Variants in HDAC4 observed in about 807,000 individuals in gnomAD.
HDAC4 encodes the protein histone deacetylase A.
A neutral mutation model predicts 135.1 loss-of-function variants in HDAC4; 16 were observed. The observed-to-expected ratio is 0.12, with a 90% CI of 0.08 to 0.18. The LOEUF (loss-of-function observed/expected upper bound fraction) is 0.18. Ranked by LOEUF, HDAC4 falls within the 10% of genes least tolerant of loss-of-function variation. The pLI is 1.00. For synonymous variants in HDAC4, 685 were observed against 653.4 expected (o/e 1.05, Z -0.74); for missense variants, 1,143 against 1,511.8 (o/e 0.76, Z 4.05).
chr2:239,176,992 C>T (rs768216949), intron 4 of HDAC4, among the ~76,000 whole-genome samples: 34 of 152,182 alleles, frequency 2.2e-4, no homozygotes, highest in Middle Eastern at 3.4e-3. Flanking sequence ...GCTATTTATC[C>T]GAAACACGGA....
intron 2 of HDAC4, among the ~76,000 whole-genome samples, chr2:239,243,794 C>T (rs1287376486): frequency 6.6e-6 from 1 of 152,226 alleles, no homozygotes; most frequent in Non-Finnish European, 1.5e-5. Context: ...CATTCCTGTA[C>T]TCTGCACCCT....
intron 12 of HDAC4, among the ~76,000 whole-genome samples, chr2:239,124,110 A>G (rs1224367676): frequency 1.3e-5 from 2 of 152,174 alleles, no homozygotes; most frequent in African/African-American, 4.8e-5. Context: ...TTCCCCTCCC[A>G]TCAACTCATC....
chr2:239,141,525 C>G lies in HDAC4; in HGVS notation c.866-1729G>C, dbSNP rs148639441. On this transcript the variant is annotated intron_variant, in intron 8 of 26. Coordinates refer to ENST00000543185, the MANE Select transcript of HDAC4 (RefSeq NM_001378414.1). The surrounding 1 kb of genome is among the most constrained non-coding windows in gnomAD (Gnocchi z 4.9). ...GTTATTTGCACTGTGAGTGGGCATT[C>G]TGAGAATGCCACCTGGGCTGAGCCA... Among the ~76,000 whole-genome samples, 418 of 152,320 alleles carry G rather than the reference C, an allele frequency of 2.7e-3. 2 individuals carry two copies. The highest frequency in any genetic ancestry group is 9.6e-3 in the African/African-American group (398 of 41,580).
chr2:239,188,915 C>T (rs536127668), intron 4 of HDAC4, among the ~76,000 whole-genome samples: 72 of 152,396 alleles, frequency 4.7e-4, no homozygotes, highest in African/African-American at 1.7e-3. Flanking sequence ...GTCAACCCTG[C>T]AGATGAGACC....
intron 2 of HDAC4, among the ~76,000 whole-genome samples, chr2:239,322,211 CT>C (rs138403126): frequency 1.3e-3 from 196 of 152,346 alleles, no homozygotes; most frequent in African/African-American, 4.6e-3. Flanking sequence ...AAAGCTCAGC[CT>C]GCAACCAATC....
chr2:239,400,649 G>T lies in HDAC4; in HGVS notation c.-220+329C>A. On this transcript the variant is annotated intron_variant, in intron 1 of 26. Transcript: ENST00000543185. The surrounding 1 kb of genome is among the most constrained non-coding windows in gnomAD (Gnocchi z 4.7). ...AGGCTGCGCGGGGCGCGGGGCGGGC[G>T]GCGGACAATGGCCCGCGGGCGCCGG... 6.8e-6 allele frequency: 1 copy of T among 146,442 alleles called. No homozygotes were observed. Among genetic ancestry groups the T allele is most frequent in the South Asian group, 1.8e-4 (1 of 5,428 alleles). The allele number at this position is 146,442 out of a possible 1,614,324, so 9.1% of individuals were successfully genotyped here.
chr2:239,101,736 C>A (rs1355987209), intron 16 of HDAC4, among the ~76,000 whole-genome samples: 1 of 152,138 alleles, frequency 6.6e-6, no homozygotes, highest in Non-Finnish European at 1.5e-5. Context: ...TCCCCCATCC[C>A]CAGGTCCGTG....
At chr2:239,231,647 A>G (rs2594709) in intron 3 of HDAC4, among the ~76,000 whole-genome samples, 28,381 of 43,162 alleles carry the variant, frequency 0.66, 8,304 homozygotes, top group South Asian at 0.83. Context: ...TCCCCGAAGC[A>G]CCCCTCTCCT....
intron 2 of HDAC4, among the ~76,000 whole-genome samples, chr2:239,293,871 T>C (rs896681339): frequency 6.6e-6 from 1 of 152,228 alleles, no homozygotes; most frequent in Non-Finnish European, 1.5e-5. Flanking sequence ...CCTTCCTCCT[T>C]ACAAAACCTT....
intron 3 of HDAC4, among the ~76,000 whole-genome samples, chr2:239,220,148 G>C (rs894535178): frequency 6.6e-6 from 1 of 152,308 alleles, no homozygotes; most frequent in Middle Eastern, 3.4e-3. Flanking sequence ...GGAACACACT[G>C]CAACAGAACC....
At chr2:239,243,832 C>T (rs1220601563) in intron 2 of HDAC4, among the ~76,000 whole-genome samples, 1 of 152,220 alleles carries the variant, frequency 6.6e-6, no homozygotes, top group South Asian at 2.1e-4. Context: ...CACCTTCCAT[C>T]AGGATGCTGT....
rs2030895648 is a variant in HDAC4 at position 239,051,817 on chromosome 2, T to A, written c.*1280A>T. 6.6e-6 allele frequency: 1 copy of A among 152,190 alleles called. No homozygotes were observed. Among genetic ancestry groups the A allele is most frequent in the South Asian group, 2.1e-4 (1 of 4,822 alleles). 9.4% of individuals were successfully genotyped at this position (152,190 alleles called of 1,614,324 possible). ...GAGAGCAAATTCACAAGCCATCCAT[T>A]TGCAGGGACCTTCGCAATCTGCATT... On this transcript the variant is annotated 3_prime_UTR_variant, in exon 27 of 27. Coordinates refer to ENST00000543185, the MANE Select transcript of HDAC4 (RefSeq NM_001378414.1).
At chr2:239,315,917 G>A (rs1053167667) in intron 2 of HDAC4, among the ~76,000 whole-genome samples, 2 of 152,116 alleles carry the variant, frequency 1.3e-5, no homozygotes, top group Admixed American at 6.5e-5. Flanking sequence ...CCTTTTACAG[G>A]GTGAAAGCAG....
chr2:239,173,885 C>T (rs930982533), intron 5 of HDAC4, among the ~76,000 whole-genome samples: 9 of 152,118 alleles, frequency 5.9e-5, no homozygotes, highest in African/African-American at 2.2e-4. Flanking sequence ...CAATAGCAAC[C>T]AAAGCCATCA....
intron 1 of HDAC4, among the ~76,000 whole-genome samples, chr2:239,372,034 C>T (rs991836369): frequency 3.3e-5 from 5 of 152,236 alleles, no homozygotes. Context: ...TGGGTGGCTG[C>T]TCGGCCAGAG....
intron 5 of HDAC4, among the ~76,000 whole-genome samples, chr2:239,168,787 A>C (rs1463517208): frequency 1.3e-5 from 2 of 152,144 alleles, no homozygotes; most frequent in Non-Finnish European, 2.9e-5. Flanking sequence ...TCACCACAAG[A>C]CCACACTCTG....
intron 3 of HDAC4, among the ~76,000 whole-genome samples, chr2:239,221,125 T>TA (rs2046927418): frequency 6.6e-6 from 1 of 152,170 alleles, no homozygotes; most frequent in Non-Finnish European, 1.5e-5. Flanking sequence ...ACAGGCGCCT[T>TA]AAATGATTCC....
Position 239,139,179 on chromosome 2 carries a change from G to A in HDAC4, c.978+505C>T, listed in dbSNP as rs902046111. On this transcript the variant is annotated intron_variant, in intron 9 of 26. Coordinates refer to ENST00000543185, the MANE Select transcript of HDAC4 (RefSeq NM_001378414.1). This position sits in a 1 kb window ranked among gnomAD's most constrained non-coding sequence, Gnocchi z 5.3. ...CCCTGCCATGCTGACCACGGGTGAC[G>A]CTCCAGTCGGCCCTGACACATAGTT... Among the ~76,000 whole-genome samples the A allele has an allele frequency of 2.0e-5, 3 of 152,172 alleles. No individual in the cohort carries two copies. Among genetic ancestry groups the A allele is most frequent in the Non-Finnish European group, 4.4e-5 (3 of 68,014 alleles).
intron 20 of HDAC4, 100 bp downstream of exon 20, chr2:239,084,055 C>T: frequency 1.2e-6 from 1 of 828,170 alleles, no homozygotes; most frequent in Non-Finnish European, 2.0e-6. Flanking sequence ...CCTAAGCTTC[C>T]CACATCCAAG....
Sources: allele counts gnomAD v4.1 joint callset (sites outside exome capture counted in the v4.1 genomes callset), GRCh38; gene constraint gnomAD v4.1.1; non-coding constraint Gnocchi (gnomAD v3.1); transcripts MANE v1.5; gene names NCBI Gene and HGNC (gene_info 2026-07-23, HGNC 2026-07-21).